The following DNAJC1 variants were observed in gnomAD, a reference collection of about 807,000 sequenced individuals.
The protein encoded by DNAJC1 is DnaJ heat shock protein family (Hsp40) member C1, also known as dnaJ homolog subfamily C member 1.
In DNAJC1, 58 loss-of-function variants were observed where a neutral mutation model predicts 76.6. The observed-to-expected ratio is 0.76, with a 90% CI of 0.61 to 0.94. DNAJC1 has a LOEUF of 0.94. DNAJC1 is among the 40% of genes least tolerant of loss of function. The pLI is 0.00. For synonymous variants in DNAJC1, 258 were observed against 267.9 expected (o/e 0.96, Z 0.36); for missense variants, 689 against 677.3 (o/e 1.02, Z -0.19).
intron 6 of DNAJC1, among the ~76,000 whole-genome samples, chr10:21,906,130 G>A (rs999818249): frequency 5.9e-5 from 9 of 152,194 alleles, no homozygotes; most frequent in African/African-American, 1.9e-4. Flanking sequence ...CAATACAGAT[G>A]TATTGTTAAT....
At chr10:21,935,170 A>G (rs1837290843) in intron 1 of DNAJC1, among the ~76,000 whole-genome samples, 1 of 152,200 alleles carries the variant, frequency 6.6e-6, no homozygotes, top group South Asian at 2.1e-4. Context: ...CACATATTGC[A>G]TTTACTAGGC....
intron 9 of DNAJC1, among the ~76,000 whole-genome samples, chr10:21,773,911 G>T (rs563173283): frequency 6.6e-6 from 1 of 151,462 alleles, no homozygotes; most frequent in Non-Finnish European, 1.5e-5. Context: ...GGAGGCCGAG[G>T]CGGGCGGATC....
At chr10:21,963,817 C>G (rs2131821072) in intron 1 of DNAJC1, among the ~76,000 whole-genome samples, 1 of 151,882 alleles carries the variant, frequency 6.6e-6, no homozygotes, top group South Asian at 2.1e-4. Context: ...TTTTTTCTAC[C>G]TATTTATTTT....
chr10:21,868,174 G>T (rs1420521908), intron 8 of DNAJC1, among the ~76,000 whole-genome samples: 5 of 144,132 alleles, frequency 3.5e-5, no homozygotes, highest in African/African-American at 1.3e-4. Flanking sequence ...GCCCAGGCTG[G>T]AGTGCAATGG....
chr10:21,995,997 T>C (rs1042783685), intron 1 of DNAJC1, among the ~76,000 whole-genome samples: 2 of 152,194 alleles, frequency 1.3e-5, no homozygotes, highest in African/African-American at 2.4e-5. Context: ...AAACATGTAA[T>C]CATATTTTTA....
At chr10:21,839,408 A>T (rs1476159628) in intron 8 of DNAJC1, among the ~76,000 whole-genome samples, 2 of 152,240 alleles carry the variant, frequency 1.3e-5, no homozygotes, top group African/African-American at 2.4e-5. Flanking sequence ...ATAAAAAATG[A>T]TAAAGGGGAT....
intron 9 of DNAJC1, among the ~76,000 whole-genome samples, chr10:21,804,631 A>G (rs1834861009): frequency 6.6e-6 from 1 of 151,602 alleles, no homozygotes; most frequent in South Asian, 2.1e-4. Context: ...CTAGTAACTC[A>G]AGATAACTAG....
intron 9 of DNAJC1, among the ~76,000 whole-genome samples, chr10:21,800,542 G>A (rs911217002): frequency 5.9e-5 from 9 of 152,296 alleles, no homozygotes; most frequent in South Asian, 2.1e-4. Context: ...AATGTCAACC[G>A]ATAGGATATT....
At chr10:21,995,371 T>C (rs1221595254) in intron 1 of DNAJC1, among the ~76,000 whole-genome samples, 2 of 152,128 alleles carry the variant, frequency 1.3e-5, no homozygotes, top group African/African-American at 4.8e-5. Context: ...CACAGTTGAG[T>C]TTCATGTAAC....
intron 8 of DNAJC1, among the ~76,000 whole-genome samples, chr10:21,880,247 C>T (rs1836251605): frequency 6.6e-6 from 1 of 152,202 alleles, no homozygotes; most frequent in African/African-American, 2.4e-5. Context: ...CCAATGAAAT[C>T]TTGAACCCAA....
chr10:21,942,535 G>A (rs1399827155), intron 1 of DNAJC1, among the ~76,000 whole-genome samples: 2 of 151,874 alleles, frequency 1.3e-5, no homozygotes, highest in African/African-American at 2.4e-5. Context: ...GGCCGGGCGC[G>A]GTGGCTCACA....
At chr10:21,815,387 C>T (rs974959882) in intron 8 of DNAJC1, among the ~76,000 whole-genome samples, 3 of 152,108 alleles carry the variant, frequency 2.0e-5, no homozygotes, top group African/African-American at 4.8e-5. Context: ...TCTGTACAAT[C>T]GCTAATGCAT....
intron 8 of DNAJC1, among the ~76,000 whole-genome samples, chr10:21,873,305 G>A (rs749242169): frequency 6.6e-6 from 1 of 152,046 alleles, no homozygotes; most frequent in Non-Finnish European, 1.5e-5. Context: ...TCCTGCTACA[G>A]ACCCATATTA....
chr10:21,938,088 C>T (rs957627350), intron 1 of DNAJC1, among the ~76,000 whole-genome samples: 5 of 151,894 alleles, frequency 3.3e-5, no homozygotes, highest in Non-Finnish European at 5.9e-5. Context: ...TTTCATTACC[C>T]GTTAGATATT....
At chr10:21,764,367 T>G (rs1222163964) in intron 10 of DNAJC1, among the ~76,000 whole-genome samples, 1 of 152,226 alleles carries the variant, frequency 6.6e-6, no homozygotes. Context: ...TTACATGTGA[T>G]TGTTATTTTC....
chr10:21,761,758 A>G (rs1834243889), intron 10 of DNAJC1, among the ~76,000 whole-genome samples: 1 of 152,142 alleles, frequency 6.6e-6, no homozygotes, highest in Non-Finnish European at 1.5e-5. Context: ...TAATGGCAAC[A>G]AACTCCCTGG....
intron 1 of DNAJC1, among the ~76,000 whole-genome samples, chr10:22,002,584 C>T (rs1838537897): frequency 6.6e-6 from 1 of 152,176 alleles, no homozygotes; most frequent in Non-Finnish European, 1.5e-5. Context: ...TGGTTAGACG[C>T]TTCAAATTCC....
intron 11 of DNAJC1, 74 bp downstream of exon 11, chr10:21,759,096 T>C (rs1459810363): frequency 3.5e-6 from 5 of 1,446,014 alleles, no homozygotes; most frequent in Non-Finnish European, 4.7e-6. Flanking sequence ...GGGAAGAAGC[T>C]GCAGGCAGAC....
rs1227764065 is a variant in DNAJC1 at position 21,954,539 on chromosome 10, C to T, written c.223-25398G>A. Among the ~76,000 whole-genome samples, 4 of 152,114 alleles carry T rather than the reference C, an allele frequency of 2.6e-5. No individual in the cohort carries two copies. In the East Asian group the frequency reaches 7.7e-4, roughly 29 times the overall value. On this transcript the variant is annotated intron_variant, in intron 1 of 11. Transcript: ENST00000376980. ...CGTAATTTTTCAAATATTAAAAAAACAGTTTGTATAGGAAATAGTAGGCTG... is the reference window on the plus strand; with the variant it reads ...CGTAATTTTTCAAATATTAAAAAAATAGTTTGTATAGGAAATAGTAGGCTG...
Sources: allele counts gnomAD v4.1 joint callset (sites outside exome capture counted in the v4.1 genomes callset), GRCh38; gene constraint gnomAD v4.1.1; transcripts MANE v1.5; gene names NCBI Gene and HGNC (gene_info 2026-07-23, HGNC 2026-07-21).